Variants in MAST2 observed in about 807,000 individuals in gnomAD.
MAST2 encodes microtubule associated serine/threonine kinase 2.
MAST2 carries 70 observed loss-of-function variants against 147.4 expected under a neutral mutation model. That is an observed-to-expected ratio of 0.47 (90% CI 0.39 to 0.58). The LOEUF (loss-of-function observed/expected upper bound fraction) is 0.58. MAST2 is among the 20% of genes least tolerant of loss of function. The pLI, the probability that MAST2 is intolerant of heterozygous loss-of-function variation, is 0.00. For synonymous variants in MAST2, 869 were observed against 896.8 expected (o/e 0.97, Z 0.55); for missense variants, 2,080 against 2,302.3 (o/e 0.90, Z 1.98).
chr1:45,937,048 T>G (rs1044955688), intron 4 of MAST2, among the ~76,000 whole-genome samples: 2 of 150,462 alleles, frequency 1.3e-5, no homozygotes, highest in Non-Finnish European at 1.5e-5. Flanking sequence ...TGGGCTTTTT[T>G]TTTTTTTTCT....
chr1:45,997,768 C>G lies in MAST2; in HGVS notation c.637C>G (p.Pro213Ala). 3 of 1,614,166 alleles carry G rather than the reference C, an allele frequency of 1.9e-6. No homozygotes were observed. The highest frequency in any genetic ancestry group is 2.5e-6 in the Non-Finnish European group (3 of 1,180,002). Residue 213 changes from proline to alanine, a missense_variant, in exon 6 of 29, where the codon CCT becomes GCT. Pro to Ala is a conservative substitution (Grantham distance 27). Coordinates refer to ENST00000361297, the MANE Select transcript of MAST2 (RefSeq NM_015112.3). Reference sequence around the variant, plus strand: ...CCCCCGGAATTTCTCTCCAAATGCACCTGCTCACTTTTCTTTTGTTCCTGC... The same window carrying G: ...CCCCCGGAATTTCTCTCCAAATGCAGCTGCTCACTTTTCTTTTGTTCCTGC... ...DSPRNFSPNA[P>A]AHFSFVPARR...
At chr1:45,904,464 G>C (rs1213079082) in intron 4 of MAST2, among the ~76,000 whole-genome samples, 2 of 151,986 alleles carry the variant, frequency 1.3e-5, no homozygotes, top group Non-Finnish European at 2.9e-5. Context: ...ATGAGCCACC[G>C]TGTCCGGCCT....
intron 4 of MAST2, among the ~76,000 whole-genome samples, chr1:45,916,241 C>T (rs1001443059): frequency 6.6e-6 from 1 of 152,118 alleles, no homozygotes; most frequent in Non-Finnish European, 1.5e-5. Context: ...ATACGAGAAA[C>T]TAACAATGTT....
intron 16 of MAST2, among the ~76,000 whole-genome samples, chr1:46,027,029 T>TGG (rs1646442839): frequency 6.6e-6 from 1 of 152,188 alleles, no homozygotes; most frequent in Non-Finnish European, 1.5e-5. Flanking sequence ...ATTATTGTTT[T>TGG]TCACTGAGGA....
rs551381625 is a variant in MAST2 at position 45,930,832 on chromosome 1, T to A, written c.501-28554T>A. Among the ~76,000 whole-genome samples, 3 of 152,188 alleles carry A rather than the reference T, an allele frequency of 2.0e-5. No homozygotes were observed. The South Asian group carries it at 6.2e-4, about 32-fold the overall frequency. On this transcript the variant is annotated intron_variant, in intron 4 of 28. Transcript: ENST00000361297. ...AGCTAATAATGAAGTTTACATTTTT[T>A]AAGGGATATTTACAAAAAACAAGGA...
intron 10 of MAST2, among the ~76,000 whole-genome samples, chr1:46,012,315 C>T (rs1645747377): frequency 6.6e-6 from 1 of 152,174 alleles, no homozygotes; most frequent in South Asian, 2.1e-4. Flanking sequence ...AACCTTTAGG[C>T]ATTTTCCCAG....
rs553473379 is a variant in MAST2, at chr1:45,813,251, A to G, written c.177+9179A>G. ...CTATTCATTTTCTTTTTCTCTGCAT[A>G]CAGTCATGTTCCGCATAATTATGTT... is the stretch of plus-strand genomic sequence containing the variant. On this transcript the variant is annotated intron_variant, in intron 1 of 28. Coordinates refer to ENST00000361297, the MANE Select transcript of MAST2 (RefSeq NM_015112.3). Among the ~76,000 whole-genome samples, 20 of 152,190 alleles carry G rather than the reference A, an allele frequency of 1.3e-4. No homozygotes were observed. In the South Asian group the frequency reaches 2.7e-3, roughly 21 times the overall value.
chr1:45,807,253 T>C (rs1644168716), intron 1 of MAST2, among the ~76,000 whole-genome samples: 1 of 152,204 alleles, frequency 6.6e-6, no homozygotes, highest in Non-Finnish European at 1.5e-5. Context: ...CTTGTGTGTC[T>C]TTGTCTTGTG....
intron 5 of MAST2, among the ~76,000 whole-genome samples, chr1:45,977,755 G>A (rs1644228751): frequency 6.7e-6 from 1 of 148,666 alleles, no homozygotes; most frequent in Non-Finnish European, 1.5e-5. Flanking sequence ...AGTCAAGATC[G>A]CGCCACTACA....
intron 4 of MAST2, among the ~76,000 whole-genome samples, chr1:45,950,906 A>G (rs1326826696): frequency 2.0e-5 from 3 of 152,004 alleles, no homozygotes; most frequent in Non-Finnish European, 2.9e-5. Flanking sequence ...ACATGGTCAA[A>G]CCCTGTCTCT....
chr1:45,929,279 T>TAG (rs1654900522), intron 4 of MAST2, among the ~76,000 whole-genome samples: 1 of 152,234 alleles, frequency 6.6e-6, no homozygotes, highest in South Asian at 2.1e-4. Flanking sequence ...CTTAGACTCT[T>TAG]TCCTGAGTCT....
chr1:45,872,733 G>A (rs779340244), intron 3 of MAST2, among the ~76,000 whole-genome samples: 10 of 151,994 alleles, frequency 6.6e-5, no homozygotes, highest in Non-Finnish European at 1.3e-4. Context: ...CACCAGCCTC[G>A]GCCTCCCAAA....
At chr1:45,967,220 TGTGCCACCACACC>T (rs1237614249) in intron 5 of MAST2, among the ~76,000 whole-genome samples, 3 of 152,066 alleles carry the variant, frequency 2.0e-5, no homozygotes, top group East Asian at 1.9e-4. Context: ...ACTACAGGTG[TGTGCCACCACACC>T]CAACTAATTC....
At chr1:45,826,108 TG>T (rs1166180292) in intron 2 of MAST2, among the ~76,000 whole-genome samples, 1 of 152,172 alleles carries the variant, frequency 6.6e-6, no homozygotes, top group Non-Finnish European at 1.5e-5. Context: ...TTTTCTTACC[TG>T]GATCAGCTCT....
intron 3 of MAST2, among the ~76,000 whole-genome samples, chr1:45,858,155 A>G (rs1436564650): frequency 6.6e-6 from 1 of 152,062 alleles, no homozygotes; most frequent in East Asian, 1.9e-4. Context: ...GTCAAATGGT[A>G]TTTCTAGTTC....
At chr1:45,911,868 T>C (rs1487858481) in intron 4 of MAST2, among the ~76,000 whole-genome samples, 2 of 97,436 alleles carry the variant, frequency 2.1e-5, no homozygotes, top group African/African-American at 5.9e-5. Context: ...ATTATTATTA[T>C]TATTATTATT....
chr1:46,011,172 A>G (rs11211248), intron 10 of MAST2: 175,742 of 553,988 alleles, frequency 0.32, 29,009 homozygotes, highest in African/African-American at 0.43. Context: ...ATCCAAAATT[A>G]TATTACTTTG....
intron 5 of MAST2, among the ~76,000 whole-genome samples, chr1:45,961,588 T>C (rs369216717): frequency 2.6e-5 from 4 of 152,208 alleles, no homozygotes; most frequent in Admixed American, 2.6e-4. Context: ...CTTAGTACTT[T>C]ACAAATGTTA....
At chr1:45,832,184 C>G (rs1172731080) in intron 3 of MAST2, among the ~76,000 whole-genome samples, 3 of 152,154 alleles carry the variant, frequency 2.0e-5, no homozygotes, top group Admixed American at 6.5e-5. Context: ...CTTTTAACCT[C>G]TGGAACCTAA....
Sources: gnomAD v4.1 joint callset for allele counts (sites outside exome capture counted in the v4.1 genomes callset) on GRCh38, gnomAD v4.1.1 for gene constraint, MANE v1.5 for transcripts, NCBI Gene and HGNC (gene_info 2026-07-23, HGNC 2026-07-21) for gene names.